Variants in DNM1 observed in about 807,000 individuals in gnomAD.
The protein encoded by DNM1 is dynamin 1, also known as dynamin-1.
A neutral mutation model predicts 104.6 loss-of-function variants in DNM1; 29 were observed. The observed-to-expected ratio is 0.28, with a 90% CI of 0.21 to 0.38. The LOEUF is 0.38. Among genes scored for constraint, DNM1 ranks in the 10% least tolerant of loss-of-function variants. DNM1 has a pLI of 1.00. For synonymous variants in DNM1, 445 were observed against 475.8 expected, an observed-to-expected ratio of 0.94 and a Z score of 0.84; for missense variants, 640 against 1,189.4, an observed-to-expected ratio of 0.54 and a Z score of 6.79.
At position 128,224,483 on chromosome 9, in the gene DNM1, G is replaced by A; in HGVS notation, c.1335+94G>A. ...CCCCATGTCCCCCCCTGCCTCCTCG[G>A]TAGCATGTACAGACCTCAGCGGGGT... On this transcript the variant is annotated intron_variant, in intron 10 of 21. Transcript: ENST00000372923. This position sits in a 1 kb window ranked among gnomAD's most constrained non-coding sequence, Gnocchi z 4.3. 7.5e-7 allele frequency: 1 copy of A among 1,327,898 alleles called. No individual in the cohort carries two copies. The allele number at this position is 1,327,898 out of a possible 1,614,324, so 82.3% of individuals were successfully genotyped here. A position where few individuals can be genotyped will look rare whatever the true frequency, so the allele number is the denominator to read the frequency against.
chr9:128,218,465 T>A lies in DNM1; in HGVS notation c.236-117T>A. The A allele has an allele frequency of 2.1e-6, 3 of 1,399,182 alleles. No homozygotes were observed. The highest frequency in any genetic ancestry group is 3.0e-6 in the Non-Finnish European group (3 of 997,228). The allele number at this position is 1,399,182 out of a possible 1,614,324, so 86.7% of individuals were successfully genotyped here. On this transcript the variant is annotated intron_variant, in intron 2 of 21. Transcript: ENST00000372923. The surrounding 1 kb of genome is among the most constrained non-coding windows in gnomAD (Gnocchi z 4.8). The stretch of plus-strand genomic sequence containing the variant: ...TCAAAATACATAATGGAGACGTGGG[T>A]GGTGGTTCTGCTTGGGTGTGTCTAG...
intron 20 of DNM1, 81 bp downstream of exon 20, chr9:128,250,437 G>A: frequency 7.1e-7 from 1 of 1,404,022 alleles, no homozygotes; most frequent in Non-Finnish European, 9.4e-7. Flanking sequence ...GCAGTGGCGC[G>A]CCCGCGTCAC....
In DNM1 at chr9:128,254,070, G is replaced by C. The variant is rs1041620283; in HGVS notation, c.2535-584G>C. On this transcript the variant is annotated intron_variant, in intron 21 of 21. Transcript: ENST00000372923. The surrounding 1 kb of genome is among the most constrained non-coding windows in gnomAD (Gnocchi z 6.1). Reference sequence around the variant, plus strand: ...CCGACCAGCTGAGGCTCCCCTCTTAGACTTATAAGTCTATGGCCACTGGCA... The same window carrying C: ...CCGACCAGCTGAGGCTCCCCTCTTACACTTATAAGTCTATGGCCACTGGCA... 3 of 1,245,402 alleles carry C rather than the reference G, an allele frequency of 2.4e-6. No individual in the cohort carries two copies. The African/African-American group carries it at 4.6e-5, about 19-fold the overall frequency. The allele number at this position is 1,245,402 out of a possible 1,614,324, so 77.1% of individuals were successfully genotyped here.
rs56712140 is a variant in DNM1, at chr9:128,211,472, CTTTTTTTTT to C, written c.162-6741_162-6733del. ...ATGCTGTTCTCTCGCCTGGAAGCCT[CTTTTTTTTT>C]TTTTTTTTTTTTTTTTTCTGTACAG... On this transcript the variant is annotated intron_variant, in intron 1 of 21. Transcript: ENST00000372923. Among the ~76,000 whole-genome samples the C allele has an allele frequency of 8.7e-4, 68 of 78,114 alleles. No homozygotes were observed. In the South Asian group the frequency reaches 8.8e-3, roughly 10 times the overall value. The allele number at this position is 78,114 out of a possible 152,430, so 51.2% of individuals were successfully genotyped here.
intron 10 of DNM1, among the ~76,000 whole-genome samples, chr9:128,230,413 T>TTTTATTTATTTATTTATTTA (rs143301170): frequency 6.8e-6 from 1 of 148,100 alleles, no homozygotes; most frequent in African/African-American, 2.5e-5. Context: ...TCTTCACAAA[T>TTTTATTTATTTATTTATTTA]TTTATTTATT....
intron 21 of DNM1, chr9:128,251,296 A>G: frequency 2.3e-6 from 1 of 427,416 alleles, no homozygotes; most frequent in Non-Finnish European, 4.6e-6. Flanking sequence ...TCCATCCTCC[A>G]TTCCGTCCAA....
intron 1 of DNM1, among the ~76,000 whole-genome samples, chr9:128,207,276 G>A (rs995233509): frequency 2.0e-5 from 3 of 152,090 alleles, no homozygotes; most frequent in African/African-American, 7.2e-5. Flanking sequence ...TGAGAGCTCA[G>A]GGGGAAGACG....
chr9:128,253,181 C>T lies in DNM1; in HGVS notation c.2535-1473C>T, dbSNP rs1289314046. 7 of 1,587,792 alleles carry T rather than the reference C, an allele frequency of 4.4e-6. No homozygotes were observed. The African/African-American group carries it at 6.7e-5, about 15-fold the overall frequency. Reference sequence around the variant, plus strand: ...GCCTGCTGCATGAACGGTGTGTCTGCCCCGCTGCACTAGCTCCACACGGGG... The same window carrying T: ...GCCTGCTGCATGAACGGTGTGTCTGTCCCGCTGCACTAGCTCCACACGGGG... On this transcript the variant is annotated intron_variant, in intron 21 of 21. Transcript: ENST00000372923. This position sits in a 1 kb window ranked among gnomAD's most constrained non-coding sequence, Gnocchi z 5.9.
At chr9:128,229,524 A>G (rs1835541298) in intron 10 of DNM1, among the ~76,000 whole-genome samples, 1 of 145,402 alleles carries the variant, frequency 6.9e-6, no homozygotes, top group Admixed American at 7.2e-5. Context: ...TTGAGCCTGG[A>G]AGGTCGAGGC....
chr9:128,246,603 A>G, intron 16 of DNM1, 100 bp downstream of exon 16: 1 of 796,020 alleles, frequency 1.3e-6, no homozygotes, highest in Non-Finnish European at 2.1e-6. Flanking sequence ...AACCTCCCCT[A>G]GGCCCCACAG....
Position 128,254,190 on chromosome 9 carries a change from CATCCCTT to C in DNM1, c.2535-463_2535-457del. On this transcript the variant is annotated intron_variant, in intron 21 of 21. Coordinates refer to ENST00000372923, the MANE Select transcript of DNM1 (RefSeq NM_004408.4). This position sits in a 1 kb window ranked among gnomAD's most constrained non-coding sequence, Gnocchi z 6.1. ...AGGGGCCTCCGGCGCTCCCTCCAGC[CATCCCTT>C]TTAGTTTCACCCTCCTGGTTCAAGC... The C allele has an allele frequency of 7.6e-7, 1 of 1,321,616 alleles. No homozygotes were observed. The highest frequency in any genetic ancestry group is 9.6e-7 in the Non-Finnish European group (1 of 1,043,500). 81.9% of individuals were successfully genotyped at this position (1,321,616 alleles called of 1,614,324 possible). A position where few individuals can be genotyped will look rare whatever the true frequency, so the allele number is the denominator to read the frequency against.
chr9:128,230,280 A>G (rs1221513459), intron 10 of DNM1, among the ~76,000 whole-genome samples: 1 of 151,068 alleles, frequency 6.6e-6, no homozygotes, highest in Non-Finnish European at 1.5e-5. Flanking sequence ...CCTCCACAGC[A>G]TATTGTTGGG....
intron 1 of DNM1, among the ~76,000 whole-genome samples, chr9:128,215,126 C>T (rs558787051): frequency 1.3e-5 from 2 of 152,338 alleles, no homozygotes; most frequent in South Asian, 4.1e-4. Context: ...ACCTGCTGGT[C>T]CTCCCCACTG....
Position 128,239,499 on chromosome 9 carries a change from T to G in DNM1, c.1477T>G (p.Phe493Val). The G allele has an allele frequency of 6.2e-7, 1 of 1,613,752 alleles. No homozygotes were observed. The highest frequency in any genetic ancestry group is 8.5e-7 in the Non-Finnish European group (1 of 1,179,872). ...TTACATGAACACCAACCATGAGGAC[T>G]TCATAGGCTTTGCCAAGTGAGTGCT... The part of the protein sequence containing the change: ...LAYMNTNHED[F>V]IGFANAQQRS... Residue 493 changes from phenylalanine (F) to valine (V), a missense_variant, in exon 12 of 22, where the codon TTC (phenylalanine) becomes GTC (valine). By Grantham distance (50) the Phe-to-Val change is conservative. This residue lies in a region of DNM1 where 92 missense variants were observed against 124.4 expected (regional missense o/e 0.74). Transcript: ENST00000372923.
chr9:128,240,113 C>A lies in DNM1; in HGVS notation c.1557+117C>A. The A allele has an allele frequency of 1.7e-6, 2 of 1,207,816 alleles. No homozygotes were observed. The highest frequency in any genetic ancestry group is 1.2e-5 in the South Asian group (1 of 82,142). 74.8% of individuals were successfully genotyped at this position (1,207,816 alleles called of 1,614,324 possible). ...TTTGGCTGAAGCTGCTTGTACACAC[C>A]AGCCCCTGGCATTTCACACCTGCCC... On this transcript the variant is annotated intron_variant, in intron 14 of 21. Coordinates refer to ENST00000372923, the MANE Select transcript of DNM1 (RefSeq NM_004408.4). The surrounding 1 kb of genome is among the most constrained non-coding windows in gnomAD (Gnocchi z 5.1).
rs1056064977 is a variant in DNM1, at chr9:128,244,950, C to T, written c.1672-1444C>T. 10 of 316,944 alleles carry T rather than the reference C, an allele frequency of 3.2e-5. No individual in the cohort carries two copies. In the Admixed American group the frequency reaches 3.6e-4, roughly 11 times the overall value. The allele number at this position is 316,944 out of a possible 1,614,324, so 19.6% of individuals were successfully genotyped here. On this transcript the variant is annotated intron_variant, in intron 15 of 21. Coordinates refer to ENST00000372923, the MANE Select transcript of DNM1 (RefSeq NM_004408.4). ...AGCCCCAGACCAGCCAGCCCGTGGT[C>T]CCCTCTCTGCTCCCAACTCCCCTTC...
rs938840971 is a variant in DNM1 at position 128,224,179 on chromosome 9, G to A, written c.1197-72G>A. On this transcript the variant is annotated intron_variant, in intron 9 of 21. Coordinates refer to ENST00000372923, the MANE Select transcript of DNM1 (RefSeq NM_004408.4). The surrounding 1 kb of genome is among the most constrained non-coding windows in gnomAD (Gnocchi z 4.3). The stretch of plus-strand genomic sequence containing the variant: ...AGGCAGAGTTCGTGGGCTTGGGGAG[G>A]AGCCTCGGCCTGGCCCTCCTGGCCG... 21 of 1,538,094 alleles carry A rather than the reference G, an allele frequency of 1.4e-5. No individual in the cohort carries two copies. The highest frequency in any genetic ancestry group is 1.7e-5 in the Non-Finnish European group (19 of 1,138,744).
intron 1 of DNM1, among the ~76,000 whole-genome samples, chr9:128,210,347 G>GTATTAT (rs1834211185): frequency 1.4e-5 from 1 of 71,836 alleles, no homozygotes; most frequent in South Asian, 6.4e-4. Context: ...TATTTATTTG[G>GTATTAT]CATTATTATT....
At position 128,218,528 on chromosome 9, in the gene DNM1, T is replaced by C. The variant is rs1247441028; in HGVS notation, c.236-54T>C. 3.2e-6 allele frequency: 5 copies of C among 1,572,350 alleles called. No homozygotes were observed. The highest frequency in any genetic ancestry group is 1.4e-5 in the African/African-American group (1 of 73,928). Reference sequence around the variant, plus strand: ...CCGGTGGGAGATGAAAACCCCCAGGTGGGGTTCCAGACCTTGATGCCTACT... The same window carrying C: ...CCGGTGGGAGATGAAAACCCCCAGGCGGGGTTCCAGACCTTGATGCCTACT... On this transcript the variant is annotated intron_variant, in intron 2 of 21. Coordinates refer to ENST00000372923, the MANE Select transcript of DNM1 (RefSeq NM_004408.4). The surrounding 1 kb of genome is among the most constrained non-coding windows in gnomAD (Gnocchi z 4.8).
Sources: gnomAD v4.1 joint callset for allele counts (sites outside exome capture counted in the v4.1 genomes callset) on GRCh38, gnomAD v4.1.1 for gene constraint, gnomAD v4.1.1 regional missense constraint, Gnocchi (gnomAD v3.1) non-coding constraint, MANE v1.5 for transcripts, NCBI Gene and HGNC (gene_info 2026-07-23, HGNC 2026-07-21) for gene names.